Variants in RIMBP2 observed in about 807,000 individuals in gnomAD.
The protein encoded by RIMBP2 is RIMS binding protein 2, also known as RIMS-binding protein 2.
A neutral mutation model predicts 118.6 loss-of-function variants in RIMBP2; 48 were observed. The ratio of observed to expected loss-of-function variants is 0.40; its 90% CI spans 0.32 to 0.51. RIMBP2 has a LOEUF of 0.51. Among genes scored for constraint, RIMBP2 ranks in the 20% least tolerant of loss-of-function variants. RIMBP2 has a pLI of 0.41. For synonymous variants in RIMBP2, 762 were observed against 742.9 expected (o/e 1.03, Z -0.42); for missense variants, 1,551 against 1,768.3 (o/e 0.88, Z 2.20).
chr12:130,566,973 T>A (rs2057267419), intron 2 of RIMBP2, among the ~76,000 whole-genome samples: 1 of 152,116 alleles, frequency 6.6e-6, no homozygotes, highest in East Asian at 1.9e-4. Context: ...ATGGTTAGGG[T>A]GGGCTTAAAT....
intron 1 of RIMBP2, among the ~76,000 whole-genome samples, chr12:130,665,218 C>G (rs9795534): frequency 0.54 from 82,144 of 151,350 alleles, 23,576 homozygotes; most frequent in Non-Finnish European, 0.64. Flanking sequence ...TGCCATGCTC[C>G]GAGATGGAGG....
chr12:130,699,630 A>G (rs1352728426), intron 1 of RIMBP2, among the ~76,000 whole-genome samples: 11 of 151,746 alleles, frequency 7.2e-5, no homozygotes, highest in African/African-American at 2.2e-4. Context: ...CTAATGCTAA[A>G]TGACGAGTTA....
intron 2 of RIMBP2, among the ~76,000 whole-genome samples, chr12:130,528,855 T>C (rs915575632): frequency 1.3e-5 from 2 of 152,112 alleles, no homozygotes; most frequent in African/African-American, 2.4e-5. Flanking sequence ...ATATTTCCAG[T>C]GGAGATGTAA....
At chr12:130,570,706 C>A (rs563738651) in intron 2 of RIMBP2, among the ~76,000 whole-genome samples, 33 of 152,304 alleles carry the variant, frequency 2.2e-4, no homozygotes, top group African/African-American at 7.9e-4. Context: ...GTGACTCTAG[C>A]AGTTCCCACC....
intron 2 of RIMBP2, among the ~76,000 whole-genome samples, chr12:130,566,156 T>G (rs964070926): frequency 2.0e-5 from 3 of 150,888 alleles, no homozygotes; most frequent in Admixed American, 6.6e-5. Context: ...TTAAATTTGT[T>G]GCCAATTTAT....
chr12:130,468,664 G>A (rs542081577), intron 6 of RIMBP2, among the ~76,000 whole-genome samples: 28 of 152,318 alleles, frequency 1.8e-4, no homozygotes, highest in Non-Finnish European at 3.1e-4. Context: ...TCCACACAAC[G>A]CAGAGGCAGA....
rs1435010409 is a variant in RIMBP2 at position 130,419,960 on chromosome 12, A to C, written c.3238+2493T>G. 6.6e-6 allele frequency: 1 copy of C among 152,168 alleles called. No individual in the cohort carries two copies. Among genetic ancestry groups the C allele is most frequent in the East Asian group, 1.9e-4 (1 of 5,204 alleles). The allele number at this position is 152,168 out of a possible 1,614,324, so 9.4% of individuals were successfully genotyped here. ...TCCAGAAAATATTAAAATTTATATTATTTTTCATTGTAGGTCCACTGCTTA... is the reference window on the plus strand; with the variant it reads ...TCCAGAAAATATTAAAATTTATATTCTTTTTCATTGTAGGTCCACTGCTTA... On this transcript the variant is annotated intron_variant, in intron 17 of 22. Coordinates refer to ENST00000690449, the MANE Select transcript of RIMBP2 (RefSeq NM_001393629.1). The surrounding 1 kb of genome is among the most constrained non-coding windows in gnomAD (Gnocchi z 4.3).
rs1251501010 is a variant in RIMBP2 at position 130,683,412 on chromosome 12, C to T, written c.-352+32810G>A. Among the ~76,000 whole-genome samples the T allele has an allele frequency of 6.6e-6, 1 of 152,166 alleles. No homozygotes were observed. ...AGAGGATGCATTCAGGTTGTAAAGG[C>T]CCCCAGCTCTGATCACTGGCAATGA... On this transcript the variant is annotated intron_variant, in intron 1 of 22. Transcript: ENST00000690449. The surrounding 1 kb of genome is among the most constrained non-coding windows in gnomAD (Gnocchi z 4.4).
chr12:130,451,098 G>A (rs1183669719), intron 8 of RIMBP2, 97 bp downstream of exon 8: 3 of 1,326,506 alleles, frequency 2.3e-6, no homozygotes, highest in Non-Finnish European at 3.2e-6. Context: ...AGACAGGGAG[G>A]AAGATGGGGA....
chr12:130,539,192 G>A (rs1032346877), intron 2 of RIMBP2, among the ~76,000 whole-genome samples: 5 of 152,096 alleles, frequency 3.3e-5, no homozygotes, highest in African/African-American at 1.2e-4. Flanking sequence ...TTTACAATTT[G>A]TGTATAATGT....
At chr12:130,560,619 C>T (rs1013260426) in intron 2 of RIMBP2, among the ~76,000 whole-genome samples, 2 of 152,234 alleles carry the variant, frequency 1.3e-5, no homozygotes, top group East Asian at 1.9e-4. Flanking sequence ...TGACTCCTCG[C>T]GTGGCCAAGC....
intron 2 of RIMBP2, among the ~76,000 whole-genome samples, chr12:130,572,374 A>T (rs1223796286): frequency 1.3e-5 from 2 of 152,146 alleles, no homozygotes; most frequent in Non-Finnish European, 2.9e-5. Context: ...CAGCAGTCAC[A>T]AAAAACCCAT....
chr12:130,478,924 G>T lies in RIMBP2; in HGVS notation c.90C>A (p.Asp30Glu), dbSNP rs1006555593. Residue 30 changes from aspartate (D) to glutamate (E), a missense_variant, in exon 5 of 23, where the codon GAC becomes GAA. This residue lies in a region of RIMBP2 where 239 missense variants were observed against 256.8 expected (regional missense o/e 0.93). Coordinates refer to ENST00000690449, the MANE Select transcript of RIMBP2 (RefSeq NM_001393629.1). ...GCCCGCCGCTTACCTTCTGCAGAAG[G>T]TCAATTTCCTGCTGCTTGGCACTGA... ...AVLSAKQQEIDLLQKAQVEAK... is the reference protein window; with the variant it reads ...AVLSAKQQEIELLQKAQVEAK... The T allele has an allele frequency of 6.2e-7, 1 of 1,613,140 alleles. No homozygotes were observed. The highest frequency in any genetic ancestry group is 1.7e-5 in the Admixed American group (1 of 59,980).
intron 1 of RIMBP2, among the ~76,000 whole-genome samples, chr12:130,691,686 C>T (rs1466533799): frequency 2.0e-5 from 3 of 152,116 alleles, no homozygotes; most frequent in East Asian, 1.9e-4. Flanking sequence ...AAAGAAGAAG[C>T]GGGTACCACA....
intron 3 of RIMBP2, among the ~76,000 whole-genome samples, chr12:130,512,467 T>C (rs1211699524): frequency 6.6e-6 from 1 of 152,104 alleles, no homozygotes; most frequent in Non-Finnish European, 1.5e-5. Context: ...GGATTACAGG[T>C]GCACTCCACC....
chr12:130,580,855 G>A (rs1004015049), intron 2 of RIMBP2, among the ~76,000 whole-genome samples: 13 of 152,094 alleles, frequency 8.5e-5, no homozygotes, highest in South Asian at 2.1e-4. Flanking sequence ...CAGGAGAATC[G>A]CTTGAACCCT....
At chr12:130,474,659 C>T (rs1484983703) in intron 5 of RIMBP2, among the ~76,000 whole-genome samples, 1 of 152,196 alleles carries the variant, frequency 6.6e-6, no homozygotes, top group African/African-American at 2.4e-5. Context: ...ACCTGGGGAC[C>T]AGGCATTGTC....
chr12:130,586,464 G>T (rs563397213), intron 2 of RIMBP2, among the ~76,000 whole-genome samples: 52 of 152,114 alleles, frequency 3.4e-4, no homozygotes, highest in African/African-American at 8.4e-4. Flanking sequence ...AAAAGAATAA[G>T]AAGAAGAAGA....
At position 130,694,246 on chromosome 12, in the gene RIMBP2, C is replaced by T. The variant is rs186075603; in HGVS notation, c.-352+21976G>A. Among the ~76,000 whole-genome samples, 255 of 152,318 alleles carry T rather than the reference C, an allele frequency of 1.7e-3. 1 individual carries two copies. The highest frequency in any genetic ancestry group is 2.8e-3 in the Admixed American group (43 of 15,308). The stretch of plus-strand genomic sequence containing the variant: ...AGGAGGAGTCACTGCAAGGCCACTG[C>T]CCTCAACCAGGGGAACGAGCCATAA... On this transcript the variant is annotated intron_variant, in intron 1 of 22. Coordinates refer to ENST00000690449, the MANE Select transcript of RIMBP2 (RefSeq NM_001393629.1).
Sources: allele counts gnomAD v4.1 joint callset (sites outside exome capture counted in the v4.1 genomes callset), GRCh38; gene constraint gnomAD v4.1.1; regional missense constraint gnomAD v4.1.1; non-coding constraint Gnocchi (gnomAD v3.1); transcripts MANE v1.5; gene names NCBI Gene and HGNC (gene_info 2026-07-23, HGNC 2026-07-21).